CPEB3: variants seen among roughly 807,000 people sequenced by gnomAD.
CPEB3 encodes cytoplasmic polyadenylation element-binding protein 3.
CPEB3 carries 20 observed loss-of-function variants against 67.2 expected under a neutral mutation model. The ratio of observed to expected loss-of-function variants is 0.30; its 90% CI spans 0.21 to 0.43. The LOEUF is 0.43. Ranked by LOEUF, CPEB3 falls within the 20% of genes least tolerant of loss-of-function variation. The probability of loss-of-function intolerance (pLI) is 1.00; values close to 1 mark genes in which losing one functional copy is unlikely to be tolerated. For missense variants in CPEB3, 746 were observed against 968.6 expected (o/e 0.77, Z 3.05); for synonymous variants, 376 against 393.1 (o/e 0.96, Z 0.51).
chr10:92,089,714 T>A (rs1374444143), intron 8 of CPEB3, among the ~76,000 whole-genome samples: 2 of 150,862 alleles, frequency 1.3e-5, no homozygotes, highest in Admixed American at 1.3e-4. Flanking sequence ...ACCCGGGAGG[T>A]GGAGGTTGCA....
intron 4 of CPEB3, among the ~76,000 whole-genome samples, chr10:92,166,878 T>G (rs1170083763): frequency 1.3e-5 from 2 of 152,236 alleles, no homozygotes; most frequent in Non-Finnish European, 2.9e-5. Flanking sequence ...AGATGGCTGT[T>G]TCACCTACAC....
chr10:92,239,783 G>T lies in CPEB3; in HGVS notation c.568C>A (p.Arg190Ser). 2 of 1,412,856 alleles carry T rather than the reference G, an allele frequency of 1.4e-6. No individual in the cohort carries two copies. Among genetic ancestry groups the T allele is most frequent in the Non-Finnish European group, 1.8e-6 (2 of 1,090,844 alleles). 87.5% of individuals were successfully genotyped at this position (1,412,856 alleles called of 1,614,324 possible). The change falls in exon 2 of 10, where the codon CGC becomes AGC. Residue 190 changes from arginine (R) to serine (S), a missense_variant. Transcript: ENST00000265997. The surrounding 1 kb of genome is among the most constrained non-coding windows in gnomAD (Gnocchi z 6.0). Reference sequence around the variant, plus strand: ...TGGCTGGGGCTGGCGGGTGAGCGGCGCTGCTGCGGGGGCTGCGCCTGTGGT... The same window carrying T: ...TGGCTGGGGCTGGCGGGTGAGCGGCTCTGCTGCGGGGGCTGCGCCTGTGGT... Reference protein sequence around the residue: ...QPPQAQPPQQRRSPASPSQAP... With the variant: ...QPPQAQPPQQSRSPASPSQAP...
rs1292219199 is a variant in CPEB3, at chr10:92,181,218, CAAAT to C, written c.1166-203_1166-200del. On this transcript the variant is annotated intron_variant, in intron 3 of 9. Coordinates refer to ENST00000265997, the MANE Select transcript of CPEB3 (RefSeq NM_014912.5). ...AGTCTTAAAGCCAAAGTTTCAACAA[CAAAT>C]AAATAAAAAAAAACAAAAAAAGAAG... 4.0e-5 allele frequency among the ~76,000 whole-genome samples: 6 copies of C among 150,644 alleles called. No homozygotes were observed. In the East Asian group the frequency reaches 7.8e-4, roughly 19 times the overall value.
rs185620320 is a variant in CPEB3, at chr10:92,082,168, G to A, written c.1688-667C>T. On this transcript the variant is annotated intron_variant, in intron 8 of 9. Coordinates refer to ENST00000265997, the MANE Select transcript of CPEB3 (RefSeq NM_014912.5). ...CTTACAACCTACCACAGAGCACTAA[G>A]GTGCCACACAAATAGTAAAAACATA... 1.4e-4 allele frequency among the ~76,000 whole-genome samples: 22 copies of A among 152,274 alleles called. 1 individual carries two copies. Among genetic ancestry groups the A allele is most frequent in the African/African-American group, 4.6e-4 (19 of 41,544 alleles).
At chr10:92,252,609 TAG>T (rs1222582357) in intron 1 of CPEB3, among the ~76,000 whole-genome samples, 1 of 152,130 alleles carries the variant, frequency 6.6e-6, no homozygotes, top group Non-Finnish European at 1.5e-5. Context: ...AGATAATGAA[TAG>T]ATGCCAACTT....
chr10:92,186,113 T>C (rs1214316736), intron 3 of CPEB3, among the ~76,000 whole-genome samples: 1 of 150,914 alleles, frequency 6.6e-6, no homozygotes, highest in Non-Finnish European at 1.5e-5. Context: ...GGTTCACACC[T>C]GTAATCCAGG....
chr10:92,143,166 A>G (rs1388644780), intron 5 of CPEB3, 48 bp from the exon 6 acceptor site: 3 of 1,422,914 alleles, frequency 2.1e-6, no homozygotes, highest in South Asian at 2.4e-5. Context: ...AAATATTGCA[A>G]TCAGAAAACC....
intron 7 of CPEB3, among the ~76,000 whole-genome samples, chr10:92,094,806 A>ATGAC (rs922893130): frequency 2.0e-4 from 25 of 123,592 alleles, no homozygotes; most frequent in African/African-American, 7.9e-4. Context: ...AAAGATTCTA[A>ATGAC]TGACACACAC....
chr10:92,204,989 G>T (rs2134279533), intron 2 of CPEB3, among the ~76,000 whole-genome samples: 1 of 151,866 alleles, frequency 6.6e-6, no homozygotes, highest in East Asian at 1.9e-4. Flanking sequence ...ACAGGTACCT[G>T]CCACGATGTC....
intron 4 of CPEB3, among the ~76,000 whole-genome samples, chr10:92,158,588 G>A (rs1258253867): frequency 1.3e-5 from 2 of 152,060 alleles, no homozygotes; most frequent in Non-Finnish European, 2.9e-5. Context: ...ACAACTAGCT[G>A]TTACTTTACA....
Position 92,205,209 on chromosome 10 carries a change from A to G in CPEB3, c.1006-12573T>C, listed in dbSNP as rs552296659. On this transcript the variant is annotated intron_variant, in intron 2 of 9. Coordinates refer to ENST00000265997, the MANE Select transcript of CPEB3 (RefSeq NM_014912.5). ...CTTTCATGCTAAACCTATCCCTGAC[A>G]AAGTAATGCTGGTTTATTTTTCAAA... is the stretch of plus-strand genomic sequence containing the variant. Among the ~76,000 whole-genome samples, 13 of 152,330 alleles carry G rather than the reference A, an allele frequency of 8.5e-5. No individual in the cohort carries two copies. In the South Asian group the frequency reaches 2.7e-3, roughly 32 times the overall value.
chr10:92,195,986 T>C (rs1212562331), intron 2 of CPEB3, among the ~76,000 whole-genome samples: 1 of 152,228 alleles, frequency 6.6e-6, no homozygotes, highest in Non-Finnish European at 1.5e-5. Flanking sequence ...TGACATTAGA[T>C]GACTACCTGT....
chr10:92,246,413 A>G (rs1852071310), intron 1 of CPEB3, among the ~76,000 whole-genome samples: 1 of 152,174 alleles, frequency 6.6e-6, no homozygotes, highest in Non-Finnish European at 1.5e-5. Context: ...AGCTTTAAGA[A>G]ATGGATTTTC....
chr10:92,176,393 A>C (rs1848221905), intron 4 of CPEB3, among the ~76,000 whole-genome samples: 1 of 152,244 alleles, frequency 6.6e-6, no homozygotes, highest in African/African-American at 2.4e-5. Context: ...AGAGGAGTTA[A>C]GAATGTGGCC....
intron 6 of CPEB3, among the ~76,000 whole-genome samples, chr10:92,112,346 T>C (rs1844791791): frequency 6.6e-6 from 1 of 152,098 alleles, no homozygotes; most frequent in Admixed American, 6.5e-5. Flanking sequence ...GGTTTCACCA[T>C]GTTGGCCAGG....
chr10:92,195,046 A>AAAACAC (rs1554912732), intron 2 of CPEB3, among the ~76,000 whole-genome samples: 31 of 117,152 alleles, frequency 2.6e-4, no homozygotes, highest in Admixed American at 1.1e-3. Flanking sequence ...TGTCTCAAAA[A>AAAACAC]ACACACACAC....
chr10:92,270,677 T>G (rs941179117), intron 1 of CPEB3, among the ~76,000 whole-genome samples: 1 of 150,492 alleles, frequency 6.6e-6, no homozygotes, highest in Non-Finnish European at 1.5e-5. Flanking sequence ...ATCCTCCCAC[T>G]TCAGCCTCCC....
intron 6 of CPEB3, among the ~76,000 whole-genome samples, chr10:92,130,566 G>A (rs1178292758): frequency 2.6e-5 from 4 of 151,644 alleles, no homozygotes. Flanking sequence ...AAGAGCTGAA[G>A]TCTGCATGGC....
At chr10:92,112,164 C>G (rs1481930421) in intron 6 of CPEB3, among the ~76,000 whole-genome samples, 1 of 131,704 alleles carries the variant, frequency 7.6e-6, no homozygotes, top group Non-Finnish European at 1.6e-5. Context: ...TGCAGTCTTG[C>G]TCTGTCACCC....
Sources: gnomAD v4.1 joint callset for allele counts (sites outside exome capture counted in the v4.1 genomes callset) on GRCh38, gnomAD v4.1.1 for gene constraint, Gnocchi (gnomAD v3.1) non-coding constraint, MANE v1.5 for transcripts, NCBI Gene and HGNC (gene_info 2026-07-23, HGNC 2026-07-21) for gene names.